DNAH10: variants seen among roughly 807,000 people sequenced by gnomAD.
The protein encoded by DNAH10 is axonemal beta dynein heavy chain 10.
Under a neutral mutation model 506.6 loss-of-function variants are expected in DNAH10, and 348 were observed. The observed-to-expected ratio is 0.69, with a 90% CI of 0.63 to 0.75. DNAH10 has a LOEUF of 0.75. DNAH10 is among the 30% of genes least tolerant of loss of function. The pLI is 0.00. For synonymous variants in DNAH10, 2,059 were observed against 2,198.6 expected, an observed-to-expected ratio of 0.94 and a Z score of 1.78; for missense variants, 5,179 against 5,787.1, an observed-to-expected ratio of 0.89 and a Z score of 3.41.
intron 40 of DNAH10, 134 bp downstream of exon 40, chr12:123,864,864 A>T: frequency 8.8e-7 from 1 of 1,136,354 alleles, no homozygotes; most frequent in Non-Finnish European, 1.2e-6. Context: ...AATGAATACA[A>T]CTCTTTGTTC....
At chr12:123,918,529 G>A (rs1386167498) in intron 64 of DNAH10, 147 bp from the exon 65 acceptor site, 1 of 913,350 alleles carries the variant, frequency 1.1e-6, no homozygotes, top group East Asian at 2.7e-5. Flanking sequence ...CCTACAAGAG[G>A]GTGGGTGCCC....
intron 23 of DNAH10, 68 bp from the exon 24 acceptor site, chr12:123,820,512 G>A (rs950882568): frequency 4.8e-6 from 7 of 1,468,618 alleles, no homozygotes; most frequent in Admixed American, 2.0e-5. Flanking sequence ...CATTATGCAT[G>A]ATTTCTTATT....
intron 5 of DNAH10, among the ~76,000 whole-genome samples, chr12:123,777,734 C>T (rs946342925): frequency 6.6e-6 from 1 of 152,198 alleles, no homozygotes; most frequent in Non-Finnish European, 1.5e-5. Flanking sequence ...CAGCCTTAAC[C>T]TCCCAGGCTT....
intron 19 of DNAH10, among the ~76,000 whole-genome samples, chr12:123,812,438 G>A (rs1298800925): frequency 2.6e-5 from 4 of 152,072 alleles, no homozygotes; most frequent in South Asian, 2.1e-4. Flanking sequence ...GCGACAGAGC[G>A]AAACTCCGTC....
chr12:123,796,612 TG>T, intron 12 of DNAH10, 43 bp from the exon 13 acceptor site: 1 of 1,526,848 alleles, frequency 6.5e-7, no homozygotes, highest in Non-Finnish European at 8.8e-7. Flanking sequence ...TTGGCTAACC[TG>T]GCGATGTTTA....
Position 123,934,688 on chromosome 12 carries a change from G to A in DNAH10, c.13545G>A (p.Lys4515=). The A allele has an allele frequency of 6.2e-7, 1 of 1,613,856 alleles. No homozygotes were observed. The highest frequency in any genetic ancestry group is 8.5e-7 in the Non-Finnish European group (1 of 1,179,848). Residue 4515 remains lysine (K), a synonymous_variant, in exon 78 of 79, where the codon AAG becomes AAA. Coordinates refer to ENST00000673944, the MANE Select transcript of DNAH10 (RefSeq NM_001372106.1). ...ATATAGAAAAAGGATGTCTTATCAA[G>A]AGCAAACCCAAGGTGCTGGTTGTGG... ...DWDIEKGCLI[K]SKPKVLVVDL...
At chr12:123,795,350 T>C (rs1384687254) in intron 12 of DNAH10, among the ~76,000 whole-genome samples, 2 of 152,118 alleles carry the variant, frequency 1.3e-5, no homozygotes, top group Admixed American at 6.5e-5. Context: ...TATTCTCTTA[T>C]GGTACTGGAG....
chr12:123,877,287 G>C (rs983561969), intron 47 of DNAH10, among the ~76,000 whole-genome samples: 1 of 152,068 alleles, frequency 6.6e-6, no homozygotes, highest in Non-Finnish European at 1.5e-5. Flanking sequence ...GCTGGAGCTT[G>C]TGTCTGTCAG....
Position 123,877,718 on chromosome 12 carries a change from T to C in DNAH10, c.8200-18T>C, listed in dbSNP as rs772099085. 2 of 1,578,810 alleles carry C rather than the reference T, an allele frequency of 1.3e-6. No individual in the cohort carries two copies. The highest frequency in any genetic ancestry group is 1.4e-5 in the African/African-American group (1 of 72,240). On this transcript the variant is annotated intron_variant, in intron 47 of 78. Transcript: ENST00000673944. ...AAGGACATTTGTGTGTTGGGGGGGG[T>C]GTCTTTGCATTTTTCAGACGTTTCA...
In DNAH10 at chr12:123,848,037, C is replaced by T. The variant is rs374853817; in HGVS notation, c.5891C>T (p.Ala1964Val). 5.9e-5 allele frequency: 96 copies of T among 1,613,860 alleles called. No individual in the cohort carries two copies. Among genetic ancestry groups the T allele is most frequent in the Non-Finnish European group, 7.5e-5 (89 of 1,179,880 alleles). The change falls in exon 33 of 79, where the codon GCG becomes GTG. Residue 1964 changes from alanine to valine, a missense_variant. Physicochemically the swap from Ala to Val is moderately conservative, Grantham distance 64 (BLOSUM62 0). Transcript: ENST00000673944. ...TGKTETTKDL[A>V]KALGLLCVVT... is the part of the protein sequence containing the mutation. ...AAAACCGAGACCACCAAGGACCTGG[C>T]GAAAGCCTTGGGCTTGCTCTGTGTT...
At chr12:123,866,979 A>G (rs1003441304) in intron 41 of DNAH10, among the ~76,000 whole-genome samples, 2 of 152,234 alleles carry the variant, frequency 1.3e-5, no homozygotes, top group African/African-American at 4.8e-5. Context: ...AAACCAGGAC[A>G]TAATTATGCC....
chr12:123,866,185 C>CCCAT (rs1332923845), intron 41 of DNAH10, 112 bp downstream of exon 41: 6 of 755,388 alleles, frequency 7.9e-6, no homozygotes, highest in Non-Finnish European at 1.1e-5. Flanking sequence ...CCTTGACCTG[C>CCCAT]CCATGTCCCT....
intron 76 of DNAH10, 51 bp from the exon 77 acceptor site, chr12:123,933,280 G>A: frequency 7.3e-7 from 1 of 1,373,898 alleles, no homozygotes; most frequent in Non-Finnish European, 9.5e-7. Context: ...CTTTGACCTG[G>A]CATTGGATGG....
At chr12:123,773,105 T>C (rs1957319175) in intron 4 of DNAH10, among the ~76,000 whole-genome samples, 163 bp downstream of exon 4, 2 of 152,348 alleles carry the variant, frequency 1.3e-5, no homozygotes, top group South Asian at 4.1e-4. Context: ...TTCTCAAAGC[T>C]AATTTCCAGT....
chr12:123,830,457 T>G, intron 25 of DNAH10, 89 bp from the exon 26 acceptor site: 637 of 1,356,706 alleles, frequency 4.7e-4, no homozygotes, highest in Middle Eastern at 5.9e-4. Context: ...GTTTACAAAA[T>G]GAGATTTGTC....
rs1954819869 is a variant in DNAH10 at position 123,923,585 on chromosome 12, C to G, written c.11507-178C>G. 5.6e-6 allele frequency: 3 copies of G among 532,466 alleles called. No homozygotes were observed. The South Asian group carries it at 7.6e-5, about 14-fold the overall frequency. The allele number at this position is 532,466 out of a possible 1,614,324, so 33.0% of individuals were successfully genotyped here. On this transcript the variant is annotated intron_variant, in intron 65 of 78. Transcript: ENST00000673944. The stretch of plus-strand genomic sequence containing the variant: ...TACAGACTGGGGCATGACCTAGGAA[C>G]TGAGCTCATCTCTCTTGAACTTAGA...
intron 55 of DNAH10, 107 bp downstream of exon 55, chr12:123,898,074 C>T: frequency 9.6e-7 from 1 of 1,044,436 alleles, no homozygotes; most frequent in Non-Finnish European, 1.3e-6. Flanking sequence ...AGTATTGAGG[C>T]CAAACGAAGC....
At chr12:123,847,334 AT>A (rs1951001503) in intron 32 of DNAH10, among the ~76,000 whole-genome samples, 1 of 151,628 alleles carries the variant, frequency 6.6e-6, no homozygotes, top group African/African-American at 2.4e-5. Context: ...CTATCTATCT[AT>A]CTATCTATCT....
chr12:123,874,723 C>A (rs570178944), intron 46 of DNAH10, among the ~76,000 whole-genome samples: 2 of 152,238 alleles, frequency 1.3e-5, no homozygotes, highest in Admixed American at 1.3e-4. Flanking sequence ...GAAGAAAGGA[C>A]AAATGCTTGT....
Sources: gnomAD v4.1 joint callset for allele counts (sites outside exome capture counted in the v4.1 genomes callset) on GRCh38, gnomAD v4.1.1 for gene constraint, MANE v1.5 for transcripts, NCBI Gene and HGNC (gene_info 2026-07-23, HGNC 2026-07-21) for gene names.